The following GIPC1 variants were observed in gnomAD, a reference collection of about 807,000 sequenced individuals.
GIPC1 encodes the protein GIPC PDZ domain containing family member 1.
A neutral mutation model predicts 28.5 loss-of-function variants in GIPC1; 15 were observed. The observed-to-expected ratio is 0.53, with a 90% CI of 0.35 to 0.81. The LOEUF is 0.81. Ranked by LOEUF, GIPC1 falls within the 30% of genes least tolerant of loss-of-function variation. GIPC1 has a pLI of 0.01. For synonymous variants in GIPC1, 224 were observed against 206.1 expected (o/e 1.09, Z -0.74); for missense variants, 439 against 481.9 (o/e 0.91, Z 0.83).
At chr19:14,489,426 G>A (rs541505809) in intron 3 of GIPC1, 360 of 838,008 alleles carry the variant, frequency 4.3e-4, no homozygotes, top group Admixed American at 1.4e-3. Flanking sequence ...AAAAATTTAC[G>A]GACAAGAAGT....
At chr19:14,493,763 G>A (rs1007888709) in intron 1 of GIPC1, among the ~76,000 whole-genome samples, 2 of 152,090 alleles carry the variant, frequency 1.3e-5, no homozygotes, top group Non-Finnish European at 2.9e-5. Flanking sequence ...GGGTTCAAGC[G>A]ATTCTCTCCT....
At chr19:14,480,915 C>A in intron 4 of GIPC1, 137 bp from the exon 5 acceptor site, 1 of 647,142 alleles carries the variant, frequency 1.5e-6, no homozygotes, top group East Asian at 2.7e-5. Context: ...TGAGCCTGAG[C>A]CAGGGCCACA....
In GIPC1 at chr19:14,478,733, C is replaced by G; in HGVS notation, c.801G>C (p.Lys267Asn). 6.2e-7 allele frequency: 1 copy of G among 1,613,982 alleles called. No homozygotes were observed. Among genetic ancestry groups the G allele is most frequent in the Non-Finnish European group, 8.5e-7 (1 of 1,179,960 alleles). Residue 267 changes from lysine to asparagine, a missense_variant, in exon 8 of 9, where the codon AAG becomes AAC. Transcript: ENST00000393033. This position sits in a 1 kb window ranked among gnomAD's most constrained non-coding sequence, Gnocchi z 5.2. ...PSAFEEKAIE[K>N]VDDLLESYMG... ...TGTAACTCTCCAGCAGGTCATCCAC[C>G]TTCTCAATGGCCTTCTCTTCAAAGG...
intron 3 of GIPC1, among the ~76,000 whole-genome samples, chr19:14,486,641 A>G (rs1340508798): frequency 1.3e-5 from 2 of 152,054 alleles, no homozygotes; most frequent in Non-Finnish European, 2.9e-5. Flanking sequence ...GAATTCAGCC[A>G]CTAAGACTTT....
chr19:14,484,502 T>C (rs993772681), intron 3 of GIPC1, among the ~76,000 whole-genome samples: 2 of 151,168 alleles, frequency 1.3e-5, no homozygotes, highest in Non-Finnish European at 3.0e-5. Flanking sequence ...TCCCAGCACT[T>C]TGGGAGGCTG....
In GIPC1 at chr19:14,479,481, G is replaced by A. The variant is rs1239734640; in HGVS notation, c.699C>T (p.Gly233=). The change falls in exon 7 of 9, where the codon GGC becomes GGT. Residue 233 remains glycine, a synonymous_variant. Coordinates refer to ENST00000393033, the MANE Select transcript of GIPC1 (RefSeq NM_005716.4). ...TCCCTCGGCCAGTGCCCAGTTGTGGGCCAGAGCCAGGGCGGCCACCCGCTG... is the reference window on the plus strand; with the variant it reads ...TCCCTCGGCCAGTGCCCAGTTGTGGACCAGAGCCAGGGCGGCCACCCGCTG... The part of the protein sequence containing the change: ...QRSAGGRPGS[G]PQLGTGRGTL... The A allele has an allele frequency of 1.4e-6, 2 of 1,442,204 alleles. No individual in the cohort carries two copies. The highest frequency in any genetic ancestry group is 2.9e-5 in the East Asian group (1 of 34,512). 89.3% of individuals were successfully genotyped at this position (1,442,204 alleles called of 1,614,324 possible). A position where few individuals can be genotyped will look rare whatever the true frequency, so the allele number is the denominator to read the frequency against.
intron 3 of GIPC1, chr19:14,489,738 A>C (rs527304304): frequency 1.5e-6 from 1 of 666,570 alleles, no homozygotes; most frequent in East Asian, 2.6e-5. Flanking sequence ...AACTTTTGTA[A>C]TAGTCAAAAA....
chr19:14,480,426 G>C lies in GIPC1; in HGVS notation c.534C>G (p.Ile178Met), dbSNP rs768024211. ...GCAGGCTCTGCCCGTTAATGGCCTC[G>C]ATCATGTCGCCCACGCTGATGAGGT... is the stretch of plus-strand genomic sequence containing the variant. ...HIHLISVGDM[I>M]EAINGQSLLG... Residue 178 changes from isoleucine (I) to methionine (M), a missense_variant, in exon 6 of 9, where the codon ATC (isoleucine) becomes ATG (methionine). Coordinates refer to ENST00000393033, the MANE Select transcript of GIPC1 (RefSeq NM_005716.4). The C allele has an allele frequency of 6.2e-7, 1 of 1,613,818 alleles. No homozygotes were observed. The highest frequency in any genetic ancestry group is 2.2e-5 in the East Asian group (1 of 44,872).
At chr19:14,486,712 C>CTT (rs35491814) in intron 3 of GIPC1, among the ~76,000 whole-genome samples, 4,311 of 124,704 alleles carry the variant, frequency 0.035, 185 homozygotes, top group Non-Finnish European at 0.049. Flanking sequence ...TTCTTTCTTT[C>CTT]TTTTTTTTTT....
At chr19:14,479,352 C>CAAA (rs756237132) in intron 7 of GIPC1, 60 bp downstream of exon 7, 209 of 599,080 alleles carry the variant, frequency 3.5e-4, no homozygotes, top group Middle Eastern at 4.8e-4. Context: ...GACTCTGTCT[C>CAAA]AAAAAAAAAA....
intron 1 of GIPC1, among the ~76,000 whole-genome samples, chr19:14,494,976 G>A (rs1158990360): frequency 6.6e-6 from 1 of 152,136 alleles, no homozygotes; most frequent in East Asian, 1.9e-4. Flanking sequence ...CAGAAGCTAG[G>A]GGAAGGGGGA....
chr19:14,483,359 G>A (rs1257190480), intron 3 of GIPC1: 1 of 192,310 alleles, frequency 5.2e-6, no homozygotes, highest in Non-Finnish European at 1.1e-5. Flanking sequence ...GGGAGGCTGA[G>A]GCACAAGAAT....
At chr19:14,490,293 G>A (rs1401369755) in intron 3 of GIPC1, among the ~76,000 whole-genome samples, 1 of 152,044 alleles carries the variant, frequency 6.6e-6, no homozygotes, top group Non-Finnish European at 1.5e-5. Flanking sequence ...TTGAACCTGG[G>A]AGGTGGAGGT....
intron 3 of GIPC1, among the ~76,000 whole-genome samples, chr19:14,485,702 T>TATATATATATATATATAGAGAG (rs1300117748): frequency 5.1e-5 from 3 of 58,784 alleles, no homozygotes; most frequent in African/African-American, 1.7e-4. Context: ...TATATATATA[T>TATATATATATATATATAGAGAG]AGAGAGAGAG....
intron 3 of GIPC1, among the ~76,000 whole-genome samples, chr19:14,487,236 CTTT>C (rs112964277): frequency 3.6e-5 from 5 of 139,312 alleles, no homozygotes; most frequent in African/African-American, 5.3e-5. Flanking sequence ...TTCTTTCTTT[CTTT>C]TTTTTTTTTT....
intron 4 of GIPC1, among the ~76,000 whole-genome samples, chr19:14,481,442 G>T (rs1017280709): frequency 6.6e-6 from 1 of 152,134 alleles, no homozygotes; most frequent in African/African-American, 2.4e-5. Context: ...TCATTGCTGT[G>T]CCAGGTGCGG....
chr19:14,490,099 C>T (rs1230587241), intron 3 of GIPC1, among the ~76,000 whole-genome samples: 1 of 152,144 alleles, frequency 6.6e-6, no homozygotes, highest in African/African-American at 2.4e-5. Context: ...GGTGCAGTGG[C>T]TCACACCTGT....
At position 14,480,229 on chromosome 19, in the gene GIPC1, G is replaced by A. The variant is rs1452501386; in HGVS notation, c.655+76C>T. Reference sequence around the variant, plus strand: ...GGCAGGCCAGGCTTGGGCGCCACCTGCTGGCCGCTCCCGGCACCACCGCCT... The same window carrying A: ...GGCAGGCCAGGCTTGGGCGCCACCTACTGGCCGCTCCCGGCACCACCGCCT... On this transcript the variant is annotated intron_variant, in intron 6 of 8. Transcript: ENST00000393033. The A allele has an allele frequency of 4.5e-6, 6 of 1,336,974 alleles. No homozygotes were observed. In the Admixed American group the frequency reaches 1.1e-4, roughly 24 times the overall value. The allele number at this position is 1,336,974 out of a possible 1,614,324, so 82.8% of individuals were successfully genotyped here.
intron 1 of GIPC1, among the ~76,000 whole-genome samples, chr19:14,494,868 C>T (rs1041042790): frequency 1.3e-5 from 2 of 152,120 alleles, no homozygotes; most frequent in Non-Finnish European, 2.9e-5. Flanking sequence ...GCATCCTCAC[C>T]CCCTCATCCT....
Sources: allele counts gnomAD v4.1 joint callset (sites outside exome capture counted in the v4.1 genomes callset), GRCh38; gene constraint gnomAD v4.1.1; non-coding constraint Gnocchi (gnomAD v3.1); transcripts MANE v1.5; gene names NCBI Gene and HGNC (gene_info 2026-07-23, HGNC 2026-07-21).